The following MEIOSIN variants were observed in gnomAD, a reference collection of about 807,000 sequenced individuals.
MEIOSIN encodes meiosis initiator protein.
A neutral mutation model predicts 23.4 loss-of-function variants in MEIOSIN; 18 were observed. That is an observed-to-expected ratio of 0.77 (90% CI 0.53 to 1.14). The LOEUF (loss-of-function observed/expected upper bound fraction) is 1.14, where lower values mean the gene tolerates loss of function less well. Ranked by LOEUF, MEIOSIN falls within the 50% of genes most tolerant of loss-of-function variation. The pLI is 0.00. For synonymous variants in MEIOSIN, 187 were observed against 100.6 expected, an observed-to-expected ratio of 1.86 and a Z score of -5.14; for missense variants, 428 against 242.9, an observed-to-expected ratio of 1.76 and a Z score of -5.07.
chr19:45,745,965 T>G (rs1176862055), intron 4 of MEIOSIN, among the ~76,000 whole-genome samples: 3 of 152,158 alleles, frequency 2.0e-5, no homozygotes, highest in Middle Eastern at 6.8e-3. Flanking sequence ...TTTTAGGTTT[T>G]GTTTTGTTTT....
rs370231276 is a variant in MEIOSIN, at chr19:45,757,381, G to A, written c.1012+104G>A. The A allele has an allele frequency of 1.0e-3, 665 of 636,120 alleles. 7 individuals carry two copies. The highest frequency in any genetic ancestry group is 0.01 in the African/African-American group (568 of 56,014). The allele number at this position is 636,120 out of a possible 1,614,324, so 39.4% of individuals were successfully genotyped here. ...GAGAGGAGGCGGGAAAGGGAATGGA[G>A]ATCCCCTAAGCACAGGGAAGGCAAA... On this transcript the variant is annotated intron_variant, in intron 9 of 14. Coordinates refer to ENST00000457052, the MANE Select transcript of MEIOSIN (RefSeq NM_001310124.2).
At chr19:45,738,990 T>G (rs908184697) in intron 2 of MEIOSIN, among the ~76,000 whole-genome samples, 2 of 152,092 alleles carry the variant, frequency 1.3e-5, no homozygotes, top group Non-Finnish European at 2.9e-5. Flanking sequence ...AAAAAGGGAT[T>G]TATTGGATCA....
intron 2 of MEIOSIN, among the ~76,000 whole-genome samples, chr19:45,739,135 C>T (rs1968458368): frequency 6.6e-6 from 1 of 151,996 alleles, no homozygotes; most frequent in South Asian, 2.1e-4. Flanking sequence ...TCTCCCTTTG[C>T]TTTATTTATA....
intron 3 of MEIOSIN, among the ~76,000 whole-genome samples, chr19:45,740,985 TATAACCAGC>T (rs1479076786): frequency 1.5e-4 from 23 of 152,176 alleles, no homozygotes; most frequent in African/African-American, 5.5e-4. Context: ...ACTTAAGGGA[TATAACCAGC>T]GCAGCATTAT....
intron 5 of MEIOSIN, among the ~76,000 whole-genome samples, chr19:45,751,746 T>C (rs1968714860): frequency 6.6e-6 from 1 of 151,632 alleles, no homozygotes; most frequent in African/African-American, 2.4e-5. Flanking sequence ...TTTTTTTTTT[T>C]TGAGGCAGAG....
At chr19:45,761,404 G>A (rs536419405) in intron 11 of MEIOSIN, among the ~76,000 whole-genome samples, 1 of 144,558 alleles carries the variant, frequency 6.9e-6, no homozygotes, top group Non-Finnish European at 1.5e-5. Context: ...TTACAGGCAT[G>A]AGCCACTGCG....
In MEIOSIN at chr19:45,764,324, A is replaced by T. The variant is rs1018888286; in HGVS notation, c.*206A>T. 26 of 393,520 alleles carry T rather than the reference A, an allele frequency of 6.6e-5. No individual in the cohort carries two copies. The highest frequency in any genetic ancestry group is 5.2e-4 in the African/African-American group (25 of 48,472). The allele number at this position is 393,520 out of a possible 1,614,324, so 24.4% of individuals were successfully genotyped here. A position where few individuals can be genotyped will look rare whatever the true frequency, so the allele number is the denominator to read the frequency against. On this transcript the variant is annotated 3_prime_UTR_variant, in exon 15 of 15. Transcript: ENST00000457052. ...ACCAGAGTCACCCACAGCTGCCTTG[A>T]TTCTCCCCCAGGCTTAGGAAGGAAA...
At chr19:45,758,002 AT>A (rs769113461) in intron 9 of MEIOSIN, among the ~76,000 whole-genome samples, 171 of 145,994 alleles carry the variant, frequency 1.2e-3, no homozygotes, top group Middle Eastern at 3.5e-3. Context: ...CTCAGAATCC[AT>A]TTTTTTTTTT....
chr19:45,761,926 C>T lies in MEIOSIN; in HGVS notation c.1435-13C>T, dbSNP rs1968952753. 1 of 602,284 alleles carries T rather than the reference C, an allele frequency of 1.7e-6. No homozygotes were observed. The highest frequency in any genetic ancestry group is 1.9e-5 in the African/African-American group (1 of 53,978). 37.3% of individuals were successfully genotyped at this position (602,284 alleles called of 1,614,324 possible). On this transcript the variant is annotated splice_polypyrimidine_tract_variant and intron_variant, in intron 12 of 14. Transcript: ENST00000457052. Reference sequence around the variant, plus strand: ...GGCCTCCTTCCTCTCTCACCACCCTCTCCCTCCCCCAGGATATGCAGGCCA... The same window carrying T: ...GGCCTCCTTCCTCTCTCACCACCCTTTCCCTCCCCCAGGATATGCAGGCCA...
chr19:45,763,070 C>T (rs1318684559), intron 13 of MEIOSIN, among the ~76,000 whole-genome samples: 1 of 152,132 alleles, frequency 6.6e-6, no homozygotes, highest in Non-Finnish European at 1.5e-5. Context: ...ATGGGGAGGC[C>T]CCCCCCAAGC....
At chr19:45,739,958 C>T (rs900484227) in intron 3 of MEIOSIN, among the ~76,000 whole-genome samples, 1 of 152,102 alleles carries the variant, frequency 6.6e-6, no homozygotes, top group East Asian at 1.9e-4. Flanking sequence ...AGTGATTCTC[C>T]TGCCTCAACC....
In MEIOSIN at chr19:45,751,272, A is replaced by AGATAAT. The variant is rs1968699594; in HGVS notation, c.418+486_418+487insGATAAT. ...GGGCAACAGAGCAAGACTGTGTCTC[A>AGATAAT]AATAATAATAATAATAATAATAATA... On this transcript the variant is annotated intron_variant, in intron 5 of 14. Transcript: ENST00000457052. Among the ~76,000 whole-genome samples, 7 of 136,418 alleles carry AGATAAT rather than the reference A, an allele frequency of 5.1e-5. No individual in the cohort carries two copies. In the South Asian group the frequency reaches 1.5e-3, roughly 29 times the overall value. 89.5% of individuals were successfully genotyped at this position (136,418 alleles called of 152,430 possible). A position where few individuals can be genotyped will look rare whatever the true frequency, so the allele number is the denominator to read the frequency against.
In MEIOSIN at chr19:45,764,240, A is replaced by G. The variant is rs1287125916; in HGVS notation, c.*122A>G. The G allele has an allele frequency of 2.5e-6, 1 of 397,602 alleles. No individual in the cohort carries two copies. The highest frequency in any genetic ancestry group is 4.4e-6 in the Non-Finnish European group (1 of 225,870). 24.6% of individuals were successfully genotyped at this position (397,602 alleles called of 1,614,324 possible). On this transcript the variant is annotated 3_prime_UTR_variant, in exon 15 of 15. Coordinates refer to ENST00000457052, the MANE Select transcript of MEIOSIN (RefSeq NM_001310124.2). ...TCCAGCCCCTGAGAATGCAGGTCCC[A>G]TGGGACTGGGGAGGGGGGCACTGAT...
intron 3 of MEIOSIN, among the ~76,000 whole-genome samples, chr19:45,744,058 T>G (rs937099734): frequency 1.3e-4 from 20 of 151,848 alleles, no homozygotes; most frequent in Non-Finnish European, 2.6e-4. Flanking sequence ...ACTTTTTTTT[T>G]TTTTTTGAGA....
Position 45,733,471 on chromosome 19 carries a change from A to C in MEIOSIN, c.-196A>C, listed in dbSNP as rs899164822. On this transcript the variant is annotated 5_prime_UTR_variant, in exon 1 of 15. Coordinates refer to ENST00000457052, the MANE Select transcript of MEIOSIN (RefSeq NM_001310124.2). The surrounding 1 kb of genome is among the most constrained non-coding windows in gnomAD (Gnocchi z 5.7). ...CTCTGCTCCTCACGCCTCGCGCAGG[A>C]TCCTCGCGCCGGGAGGATTCGCACC... 9 of 152,254 alleles carry C rather than the reference A, an allele frequency of 5.9e-5. No individual in the cohort carries two copies. The highest frequency in any genetic ancestry group is 2.2e-4 in the African/African-American group (9 of 41,448). The allele number at this position is 152,254 out of a possible 1,614,324, so 9.4% of individuals were successfully genotyped here.
intron 11 of MEIOSIN, 66 bp downstream of exon 11, chr19:45,759,556 G>T: frequency 4.3e-6 from 3 of 695,276 alleles, no homozygotes; most frequent in Admixed American, 2.0e-5. Context: ...GTCACTCATG[G>T]CTTCATTCAC....
intron 7 of MEIOSIN, 85 bp downstream of exon 7, chr19:45,754,809 G>T: frequency 1.5e-6 from 1 of 671,500 alleles, no homozygotes; most frequent in Non-Finnish European, 2.7e-6. Context: ...CACAGTACCC[G>T]TAGTGGGGGC....
At position 45,750,740 on chromosome 19, in the gene MEIOSIN, G is replaced by A; in HGVS notation, c.372G>A (p.Lys124=). The stretch of plus-strand genomic sequence containing the variant: ...TCCAGAGAAACATCGATGCCGCCAA[G>A]GCCTTGTTCAAATGCCACATCACCA... ...QYLQRNIDAA[K]ALFKCHITTG... is the part of the protein sequence containing the mutation. The change falls in exon 5 of 15, where the codon AAG becomes AAA. Residue 124 remains lysine (K), a synonymous_variant. Coordinates refer to ENST00000457052, the MANE Select transcript of MEIOSIN (RefSeq NM_001310124.2). The A allele has an allele frequency of 1.5e-6, 1 of 647,926 alleles. No individual in the cohort carries two copies. Among genetic ancestry groups the A allele is most frequent in the South Asian group, 1.7e-5 (1 of 58,322 alleles). The allele number at this position is 647,926 out of a possible 1,614,324, so 40.1% of individuals were successfully genotyped here.
At chr19:45,749,950 G>A (rs1423962401) in intron 4 of MEIOSIN, among the ~76,000 whole-genome samples, 1 of 149,928 alleles carries the variant, frequency 6.7e-6, no homozygotes, top group East Asian at 2.0e-4. Flanking sequence ...GTTGCAGTGA[G>A]CTGAGATCGT....
Sources: allele counts gnomAD v4.1 joint callset (sites outside exome capture counted in the v4.1 genomes callset), GRCh38; gene constraint gnomAD v4.1.1; non-coding constraint Gnocchi (gnomAD v3.1); transcripts MANE v1.5; gene names NCBI Gene and HGNC (gene_info 2026-07-23, HGNC 2026-07-21).